The following PARP6 variants were observed in gnomAD, a reference collection of about 807,000 sequenced individuals.
PARP6 encodes the protein protein mono-ADP-ribosyltransferase PARP6.
Under a neutral mutation model 92.0 loss-of-function variants are expected in PARP6, and 27 were observed. That is an observed-to-expected ratio of 0.29 (90% CI 0.22 to 0.40). The LOEUF (loss-of-function observed/expected upper bound fraction) is 0.40, where lower values mean the gene tolerates loss of function less well. PARP6 is among the 10% of genes least tolerant of loss of function. The pLI is 1.00. For synonymous variants in PARP6, 272 were observed against 281.2 expected (o/e 0.97, Z 0.33); for missense variants, 501 against 784.5 (o/e 0.64, Z 4.32).
At chr15:72,255,252 TTTTTGG>T (rs893635628) in intron 14 of PARP6, among the ~76,000 whole-genome samples, 1 of 152,120 alleles carries the variant, frequency 6.6e-6, no homozygotes, top group African/African-American at 2.4e-5. Flanking sequence ...TGGCTCTGAT[TTTTTGG>T]TTTTGTTTTT....
At chr15:72,264,021 CAAAAA>C (rs34865114) in intron 8 of PARP6, among the ~76,000 whole-genome samples, 1 of 96,532 alleles carries the variant, frequency 1.0e-5, no homozygotes, top group Admixed American at 1.1e-4. Context: ...ACTCTGTCTC[CAAAAA>C]AAAAAAAAAA....
intron 4 of PARP6, among the ~76,000 whole-genome samples, chr15:72,266,544 T>C (rs2086618391): frequency 6.6e-6 from 1 of 152,150 alleles, no homozygotes; most frequent in South Asian, 2.1e-4. Flanking sequence ...ATACAGAGGA[T>C]GTAGTTTACT....
At position 72,272,509 on chromosome 15, in the gene PARP6, C is replaced by T. The variant is rs2087595704; in HGVS notation, c.-576G>A. The T allele has an allele frequency of 6.6e-6, 1 of 150,984 alleles. No homozygotes were observed. 9.4% of individuals were successfully genotyped at this position (150,984 alleles called of 1,614,324 possible). The stretch of plus-strand genomic sequence containing the variant: ...CAGCCTGGCGAGTACTCACGGCGAC[C>T]CCGGGCCGCGCGCGGCCGCAGCCGA... On this transcript the variant is annotated 5_prime_UTR_variant, in exon 1 of 24. Transcript: ENST00000569795.
At chr15:72,250,277 C>T (rs1417548026) in intron 18 of PARP6, 185 bp from the exon 19 acceptor site, 15 of 567,354 alleles carry the variant, frequency 2.6e-5, no homozygotes, top group Non-Finnish European at 2.3e-5. Flanking sequence ...TTAAACTCTA[C>T]GTCTCTATTT....
intron 20 of PARP6, chr15:72,245,563 T>C (rs1304044739): frequency 2.6e-5 from 4 of 152,194 alleles, no homozygotes; most frequent in South Asian, 4.1e-4. Flanking sequence ...CTGCTACTCA[T>C]AGCTGTGTGA....
At chr15:72,256,087 G>A (rs1168281615) in intron 14 of PARP6, among the ~76,000 whole-genome samples, 8 of 152,090 alleles carry the variant, frequency 5.3e-5, no homozygotes, top group Admixed American at 2.6e-4. Context: ...GTGAGCCACC[G>A]CGCCCAGCCT....
chr15:72,242,646 A>G lies in PARP6; in HGVS notation c.1615T>C (p.Tyr539His). 1.2e-6 allele frequency: 2 copies of G among 1,612,076 alleles called. No homozygotes were observed. The highest frequency in any genetic ancestry group is 8.5e-7 in the Non-Finnish European group (1 of 1,178,152). The change falls in exon 21 of 24, where the codon TAC becomes CAC. Residue 539 changes from tyrosine to histidine, a missense_variant. Transcript: ENST00000569795. The surrounding 1 kb of genome is among the most constrained non-coding windows in gnomAD (Gnocchi z 4.3). ...MPSKDELVQRYNRMNTIPQTR... is the reference protein window; with the variant it reads ...MPSKDELVQRHNRMNTIPQTR... The stretch of plus-strand genomic sequence containing the variant: ...TGGGGGATGGTATTCATCCTGTTGT[A>G]TCTCTGGACCAGCTCATCCTTGGAG...
chr15:72,259,593 T>G lies in PARP6; in HGVS notation c.810+15A>C, dbSNP rs747591430. 2 of 1,613,190 alleles carry G rather than the reference T, an allele frequency of 1.2e-6. No homozygotes were observed. The highest frequency in any genetic ancestry group is 1.3e-5 in the African/African-American group (1 of 74,988). Reference sequence around the variant, plus strand: ...ACAGGGAAGGGCTTCGGAGTGACAATTTTGACTTGATTACCTGAACGAGGA... The same window carrying G: ...ACAGGGAAGGGCTTCGGAGTGACAAGTTTGACTTGATTACCTGAACGAGGA... On this transcript the variant is annotated intron_variant, in intron 11 of 23. Coordinates refer to ENST00000569795, the MANE Select transcript of PARP6 (RefSeq NM_001323532.2).
chr15:72,265,656 A>C (rs900920567), intron 5 of PARP6, among the ~76,000 whole-genome samples, 183 bp from the exon 6 acceptor site: 1 of 152,234 alleles, frequency 6.6e-6, no homozygotes, highest in African/African-American at 2.4e-5. Flanking sequence ...CTTCCAGGCC[A>C]AAAGCATTTC....
At chr15:72,258,722 G>T (rs545772601) in intron 11 of PARP6, among the ~76,000 whole-genome samples, 1 of 151,792 alleles carries the variant, frequency 6.6e-6, no homozygotes, top group Non-Finnish European at 1.5e-5. Flanking sequence ...ATCCTACAGC[G>T]TTTTTTTTGT....
chr15:72,241,373 G>T lies in PARP6; in HGVS notation c.*82C>A. 1.0e-6 allele frequency: 1 copy of T among 957,168 alleles called. No individual in the cohort carries two copies. The highest frequency in any genetic ancestry group is 1.7e-6 in the Non-Finnish European group (1 of 591,852). The allele number at this position is 957,168 out of a possible 1,614,324, so 59.3% of individuals were successfully genotyped here. A position where few individuals can be genotyped will look rare whatever the true frequency, so the allele number is the denominator to read the frequency against. On this transcript the variant is annotated 3_prime_UTR_variant, in exon 24 of 24. Coordinates refer to ENST00000569795, the MANE Select transcript of PARP6 (RefSeq NM_001323532.2). The surrounding 1 kb of genome is among the most constrained non-coding windows in gnomAD (Gnocchi z 4.1). The stretch of plus-strand genomic sequence containing the variant: ...AATGGCCCCTTGATTCCTCAGGGCA[G>T]CCTCAGCTGCTGTACCTGAACACTT...
rs2085698325 is a variant in PARP6, at chr15:72,260,334, A to C, written c.756+144T>G. The stretch of plus-strand genomic sequence containing the variant: ...TGTCTCAAAAAAAAAGAAGTGTTCC[A>C]TTCTACTCACTCATGGTACATACCT... On this transcript the variant is annotated intron_variant, in intron 10 of 23. Transcript: ENST00000569795. 16 of 659,480 alleles carry C rather than the reference A, an allele frequency of 2.4e-5. 1 individual carries two copies. The South Asian group carries it at 2.6e-4, about 11-fold the overall frequency. 40.9% of individuals were successfully genotyped at this position (659,480 alleles called of 1,614,324 possible). A position where few individuals can be genotyped will look rare whatever the true frequency, so the allele number is the denominator to read the frequency against.
chr15:72,248,695 G>A (rs568570441), intron 20 of PARP6, among the ~76,000 whole-genome samples: 3 of 152,284 alleles, frequency 2.0e-5, no homozygotes, highest in South Asian at 2.1e-4. Context: ...TTCCTTTTCT[G>A]AGCTTGACTC....
chr15:72,264,932 C>G, intron 7 of PARP6, 149 bp downstream of exon 7: 1 of 622,646 alleles, frequency 1.6e-6, no homozygotes. Flanking sequence ...GATGAAGATA[C>G]CAATTACAGG....
intron 4 of PARP6, 64 bp downstream of exon 4, chr15:72,266,681 G>T: frequency 8.6e-7 from 1 of 1,163,292 alleles, no homozygotes; most frequent in Non-Finnish European, 1.3e-6. Flanking sequence ...CACTCCTGAT[G>T]TATCCAAAAA....
At chr15:72,261,776 C>T in intron 8 of PARP6, 69 bp from the exon 9 acceptor site, 2 of 1,481,310 alleles carry the variant, frequency 1.4e-6, no homozygotes, top group Non-Finnish European at 1.9e-6. Flanking sequence ...TAAAGAGAGA[C>T]AAATAATCTA....
At chr15:72,268,801 C>T (rs1203174849) in intron 2 of PARP6, among the ~76,000 whole-genome samples, 2 of 152,112 alleles carry the variant, frequency 1.3e-5, no homozygotes, top group Non-Finnish European at 2.9e-5. Context: ...ACCTGCTTCC[C>T]AAAGAAAAAT....
At chr15:72,253,174 CAAA>C (rs11300145) in intron 16 of PARP6, among the ~76,000 whole-genome samples, 61 of 134,266 alleles carry the variant, frequency 4.5e-4, no homozygotes, top group Admixed American at 5.9e-4. Context: ...GACCCTATCT[CAAA>C]AAAAAAAAAA....
chr15:72,262,419 C>A (rs75066977), intron 8 of PARP6, among the ~76,000 whole-genome samples: 1 of 152,212 alleles, frequency 6.6e-6, no homozygotes, highest in South Asian at 2.1e-4. Flanking sequence ...GGTGACCCTT[C>A]TACCTAAGAT....
Sources: gnomAD v4.1 joint callset for allele counts (sites outside exome capture counted in the v4.1 genomes callset) on GRCh38, gnomAD v4.1.1 for gene constraint, Gnocchi (gnomAD v3.1) non-coding constraint, MANE v1.5 for transcripts, NCBI Gene and HGNC (gene_info 2026-07-23, HGNC 2026-07-21) for gene names.